MMD2: variants seen among roughly 807,000 people sequenced by gnomAD.
The protein encoded by MMD2 is monocyte to macrophage differentiation factor 2.
Under a neutral mutation model 33.5 loss-of-function variants are expected in MMD2, and 30 were observed. That is an observed-to-expected ratio of 0.90 (90% CI 0.67 to 1.22). The LOEUF (loss-of-function observed/expected upper bound fraction) is 1.22, where lower values mean the gene tolerates loss of function less well. Among genes scored for constraint, MMD2 ranks in the 50% most tolerant of loss-of-function variants. The probability of loss-of-function intolerance (pLI) is 0.00; values close to 1 mark genes in which losing one functional copy is unlikely to be tolerated. For missense variants in MMD2, 364 were observed against 325.4 expected, an observed-to-expected ratio of 1.12 and a Z score of -0.91; for synonymous variants, 129 against 123.0, an observed-to-expected ratio of 1.05 and a Z score of -0.32.
At chr7:4,924,466 C>T (rs1162792401) in intron 2 of MMD2, among the ~76,000 whole-genome samples, 1 of 152,252 alleles carries the variant, frequency 6.6e-6, no homozygotes, top group South Asian at 2.1e-4. Flanking sequence ...AAGAATCCAG[C>T]AGGGGTTCTG....
chr7:4,911,351 C>A, intron 4 of MMD2, 105 bp from the exon 5 acceptor site: 1 of 833,254 alleles, frequency 1.2e-6, no homozygotes, highest in Non-Finnish European at 1.9e-6. Flanking sequence ...GAAGTCCTGT[C>A]ACCTGTGACT....
At chr7:4,947,283 C>T (rs1355228132) in intron 1 of MMD2, among the ~76,000 whole-genome samples, 1 of 152,054 alleles carries the variant, frequency 6.6e-6, no homozygotes, top group South Asian at 2.1e-4. Flanking sequence ...AGCATGGCGG[C>T]TTCTGCTTCT....
chr7:4,939,095 G>A (rs1204063860), intron 1 of MMD2, among the ~76,000 whole-genome samples: 3 of 152,114 alleles, frequency 2.0e-5, no homozygotes, highest in Non-Finnish European at 4.4e-5. Flanking sequence ...CCAGCCACTC[G>A]GGAGACTGAG....
intron 2 of MMD2, among the ~76,000 whole-genome samples, chr7:4,921,920 T>G (rs147523291): frequency 5.3e-5 from 8 of 151,984 alleles, no homozygotes; most frequent in Non-Finnish European, 1.0e-4. Flanking sequence ...GGGATGGAAT[T>G]ATAACTTTAA....
At position 4,933,940 on chromosome 7, in the gene MMD2, CTT is replaced by C. The variant is rs71032998; in HGVS notation, c.48-8410_48-8409del. Among the ~76,000 whole-genome samples, 834 of 119,060 alleles carry C rather than the reference CTT, an allele frequency of 7.0e-3. 21 individuals carry two copies. In the East Asian group the frequency reaches 0.093, roughly 13 times the overall value. The allele number at this position is 119,060 out of a possible 152,430, so 78.1% of individuals were successfully genotyped here. A position where few individuals can be genotyped will look rare whatever the true frequency, so the allele number is the denominator to read the frequency against. ...GAGACACTGTGCCCGGCCACAATGC[CTT>C]TTTTTTTTTTTTTTTTTGAGACAGT... On this transcript the variant is annotated intron_variant, in intron 1 of 6. Coordinates refer to ENST00000401401, the MANE Select transcript of MMD2 (RefSeq NM_198403.4).
At chr7:4,932,586 C>T (rs1050118032) in intron 1 of MMD2, among the ~76,000 whole-genome samples, 1 of 151,548 alleles carries the variant, frequency 6.6e-6, no homozygotes, top group Non-Finnish European at 1.5e-5. Context: ...CAGTGCCAGC[C>T]GGGCAGCTAA....
intron 6 of MMD2, 33 bp downstream of exon 6, chr7:4,909,848 G>C: frequency 6.3e-7 from 1 of 1,592,258 alleles, no homozygotes; most frequent in Non-Finnish European, 8.5e-7. Context: ...GTCTCTTGCA[G>C]GGACTCATCT....
intron 1 of MMD2, among the ~76,000 whole-genome samples, chr7:4,951,181 C>T (rs1050489548): frequency 7.2e-5 from 11 of 152,050 alleles, no homozygotes; most frequent in African/African-American, 2.7e-4. Context: ...CCTTGGAATC[C>T]CAAGAAAGCA....
At chr7:4,908,708 C>A (rs962501617) in intron 6 of MMD2, among the ~76,000 whole-genome samples, 2 of 151,266 alleles carry the variant, frequency 1.3e-5, no homozygotes, top group African/African-American at 4.9e-5. Context: ...ACCAGCCTGG[C>A]CAACATAGTG....
intron 2 of MMD2, among the ~76,000 whole-genome samples, chr7:4,924,106 G>A (rs1189511740): frequency 6.6e-6 from 1 of 152,088 alleles, no homozygotes; most frequent in Non-Finnish European, 1.5e-5. Flanking sequence ...GCAGGAGAAT[G>A]GCATGAACCC....
chr7:4,925,295 G>T (rs1319369099), intron 2 of MMD2, among the ~76,000 whole-genome samples, 156 bp downstream of exon 2: 2 of 149,742 alleles, frequency 1.3e-5, no homozygotes, highest in Non-Finnish European at 3.0e-5. Flanking sequence ...TACCCCAGTG[G>T]CCTTCCCTCG....
intron 3 of MMD2, among the ~76,000 whole-genome samples, chr7:4,919,344 G>A (rs1785217093): frequency 6.6e-6 from 1 of 151,810 alleles, no homozygotes; most frequent in African/African-American, 2.4e-5. Context: ...TGAAGCAGGT[G>A]GATCACTAGA....
rs567163182 is a variant in MMD2, at chr7:4,928,739, C to A, written c.48-3207G>T. 2.6e-5 allele frequency among the ~76,000 whole-genome samples: 4 copies of A among 151,742 alleles called. No individual in the cohort carries two copies. The South Asian group carries it at 6.2e-4, about 24-fold the overall frequency. On this transcript the variant is annotated intron_variant, in intron 1 of 6. Coordinates refer to ENST00000401401, the MANE Select transcript of MMD2 (RefSeq NM_198403.4). ...ATTAAGCACCCTCTGTGTGCTGGCT[C>A]CCCTTCTGTATGCTGGCTCCATGCT...
chr7:4,897,638 G>C, the MMD2 span, among the ~76,000 whole-genome samples: 2 of 152,220 alleles, frequency 1.3e-5, no homozygotes, highest in African/African-American at 4.8e-5. Flanking sequence ...TGCATTCGGT[G>C]AAAGGCCAGA....
chr7:4,945,084 C>A (rs1256962145), intron 1 of MMD2, among the ~76,000 whole-genome samples: 4 of 151,242 alleles, frequency 2.6e-5, no homozygotes, highest in African/African-American at 9.7e-5. Context: ...CCCCCGACCC[C>A]TTCTTCTGGA....
At chr7:4,953,511 C>A (rs1403334805) in intron 1 of MMD2, among the ~76,000 whole-genome samples, 1 of 151,030 alleles carries the variant, frequency 6.6e-6, no homozygotes, top group African/African-American at 2.4e-5. Flanking sequence ...CACTCTATCG[C>A]CCAGGCTGGA....
chr7:4,956,773 G>A lies in MMD2; in HGVS notation c.47+2198C>T, dbSNP rs1786391901. 2.0e-5 allele frequency among the ~76,000 whole-genome samples: 3 copies of A among 152,132 alleles called. No individual in the cohort carries two copies. The South Asian group carries it at 6.2e-4, about 32-fold the overall frequency. On this transcript the variant is annotated intron_variant, in intron 1 of 6. Coordinates refer to ENST00000401401, the MANE Select transcript of MMD2 (RefSeq NM_198403.4). Reference sequence around the variant, plus strand: ...ACACAGCAGGTGTGGGACAGGCCCGGGCTGGTTGCTGAGACTTCAGAGCTC... The same window carrying A: ...ACACAGCAGGTGTGGGACAGGCCCGAGCTGGTTGCTGAGACTTCAGAGCTC...
chr7:4,958,998 A>T lies in MMD2; in HGVS notation c.20T>A (p.Leu7Gln). 1 of 1,281,914 alleles carries T rather than the reference A, an allele frequency of 7.8e-7. No homozygotes were observed. The highest frequency in any genetic ancestry group is 9.9e-7 in the Non-Finnish European group (1 of 1,006,734). 79.4% of individuals were successfully genotyped at this position (1,281,914 alleles called of 1,614,324 possible). A position where few individuals can be genotyped will look rare whatever the true frequency, so the allele number is the denominator to read the frequency against. The change falls in exon 1 of 7, where the codon CTG (leucine) becomes CAG (glutamine). Residue 7 changes from leucine to glutamine, a missense_variant. Coordinates refer to ENST00000401401, the MANE Select transcript of MMD2 (RefSeq NM_198403.4). MFAPRL[L>Q]DFQKTKYARF... is the part of the protein sequence containing the mutation. ...CGCGTATTTCGTCTTCTGGAAATCC[A>T]GCAGCCGGGGGGCGAACATCGCGGC...
At chr7:4,913,930 G>T (rs1281596530) in intron 4 of MMD2, among the ~76,000 whole-genome samples, 2 of 151,832 alleles carry the variant, frequency 1.3e-5, no homozygotes, top group African/African-American at 4.8e-5. Context: ...CAAAGTGCTG[G>T]GATTACAGGC....
Sources: allele counts gnomAD v4.1 joint callset (sites outside exome capture counted in the v4.1 genomes callset), GRCh38; gene constraint gnomAD v4.1.1; transcripts MANE v1.5; gene names NCBI Gene and HGNC (gene_info 2026-07-23, HGNC 2026-07-21).